The following NKAIN2 variants were observed in gnomAD, a reference collection of about 807,000 sequenced individuals.
The protein encoded by NKAIN2 is sodium/potassium transporting ATPase interacting 2, also known as sodium/potassium-transporting ATPase subunit beta-1-interacting protein 2.
Under a neutral mutation model 32.6 loss-of-function variants are expected in NKAIN2, and 14 were observed. The ratio of observed to expected loss-of-function variants is 0.43; its 90% confidence interval spans 0.28 to 0.67. The LOEUF (loss-of-function observed/expected upper bound fraction) is 0.67, where lower values mean the gene tolerates loss of function less well. Ranked by LOEUF, NKAIN2 falls within the 30% of genes least tolerant of loss-of-function variation. The pLI is 0.17. For synonymous variants in NKAIN2, 80 were observed against 87.2 expected (o/e 0.92, Z 0.46); for missense variants, 198 against 258.3 (o/e 0.77, Z 1.60).
intron 1 of NKAIN2, among the ~76,000 whole-genome samples, chr6:124,007,963 A>T (rs768573967): frequency 6.6e-6 from 1 of 152,146 alleles, no homozygotes. Flanking sequence ...GGGATAACAG[A>T]TCAAAAGTGA....
intron 2 of NKAIN2, among the ~76,000 whole-genome samples, chr6:124,336,448 C>T (rs966856496): frequency 6.6e-6 from 1 of 152,054 alleles, no homozygotes; most frequent in Admixed American, 6.6e-5. Context: ...TTTCTCCTGC[C>T]TAGTGCCTTT....
intron 3 of NKAIN2, among the ~76,000 whole-genome samples, chr6:124,433,722 A>T (rs540354175): frequency 2.2e-4 from 34 of 152,260 alleles, no homozygotes; most frequent in Middle Eastern, 3.4e-3. Flanking sequence ...AACCAGGCTC[A>T]TATAGACAAG....
chr6:124,259,745 T>C (rs764022354), intron 1 of NKAIN2, among the ~76,000 whole-genome samples: 1 of 152,166 alleles, frequency 6.6e-6, no homozygotes, highest in Non-Finnish European at 1.5e-5. Context: ...TGAAGGCTAC[T>C]GATGCCTAGA....
At chr6:124,076,444 C>CTATGGTCTA (rs1244993329) in intron 1 of NKAIN2, among the ~76,000 whole-genome samples, 1 of 152,108 alleles carries the variant, frequency 6.6e-6, no homozygotes, top group African/African-American at 2.4e-5. Context: ...TAGATAATTA[C>CTATGGTCTA]TGGATTGAAG....
chr6:124,794,006 G>A (rs748545024), intron 5 of NKAIN2, among the ~76,000 whole-genome samples: 3 of 152,164 alleles, frequency 2.0e-5, no homozygotes, highest in Non-Finnish European at 4.4e-5. Flanking sequence ...AGAAATGGAT[G>A]AGGCAGGGTA....
At chr6:124,138,610 G>C (rs1786958086) in intron 1 of NKAIN2, among the ~76,000 whole-genome samples, 1 of 143,242 alleles carries the variant, frequency 7.0e-6, no homozygotes, top group Non-Finnish European at 1.5e-5. Flanking sequence ...ACCAATGAGT[G>C]GATAAAGAAT....
chr6:124,665,565 A>T (rs1180112763), intron 4 of NKAIN2, among the ~76,000 whole-genome samples: 1 of 152,146 alleles, frequency 6.6e-6, no homozygotes, highest in African/African-American at 2.4e-5. Flanking sequence ...CCATGATATG[A>T]CCTACTCATG....
At chr6:124,518,922 C>A (rs1235726370) in intron 3 of NKAIN2, among the ~76,000 whole-genome samples, 3 of 152,134 alleles carry the variant, frequency 2.0e-5, no homozygotes, top group Non-Finnish European at 4.4e-5. Context: ...ATGTGAGGTA[C>A]TTTATAGAGC....
In NKAIN2 at chr6:124,364,092, G is replaced by A. The variant is rs978463943; in HGVS notation, c.273+8745G>A. ...GTAAAGAATCAAATGGAAATTCTAAGACTTAAAAATATAATATCTAGAAGT... is the reference window on the plus strand; with the variant it reads ...GTAAAGAATCAAATGGAAATTCTAAAACTTAAAAATATAATATCTAGAAGT... On this transcript the variant is annotated intron_variant, in intron 3 of 6. Transcript: ENST00000368417. Among the ~76,000 whole-genome samples the A allele has an allele frequency of 3.9e-5, 6 of 151,926 alleles. No homozygotes were observed. The South Asian group carries it at 1.2e-3, about 32-fold the overall frequency.
intron 1 of NKAIN2, among the ~76,000 whole-genome samples, chr6:124,086,491 A>C (rs78224463): frequency 0.035 from 5,318 of 152,018 alleles, 94 homozygotes; most frequent in African/African-American, 0.049. Context: ...GTTTTGCCTC[A>C]TGTGAATATT....
intron 3 of NKAIN2, among the ~76,000 whole-genome samples, chr6:124,382,515 A>T (rs1374218304): frequency 2.0e-5 from 3 of 152,128 alleles, no homozygotes; most frequent in African/African-American, 7.2e-5. Context: ...CAATCTGCTC[A>T]AGCTACACAA....
At chr6:124,071,767 A>G (rs1783480564) in intron 1 of NKAIN2, among the ~76,000 whole-genome samples, 1 of 152,178 alleles carries the variant, frequency 6.6e-6, no homozygotes, top group African/African-American at 2.4e-5. Context: ...GATCAAAACC[A>G]CAATGAAATA....
At chr6:124,189,360 G>A (rs891574044) in intron 1 of NKAIN2, among the ~76,000 whole-genome samples, 4 of 152,040 alleles carry the variant, frequency 2.6e-5, no homozygotes, top group African/African-American at 9.7e-5. Flanking sequence ...TAGATCTTTA[G>A]TATTACAAAA....
intron 3 of NKAIN2, among the ~76,000 whole-genome samples, chr6:124,518,119 A>G (rs1279481913): frequency 1.3e-5 from 2 of 152,074 alleles, no homozygotes; most frequent in Non-Finnish European, 2.9e-5. Context: ...GATTTTTTAA[A>G]AAAAGGAAGA....
chr6:124,078,447 G>A (rs1783798711), intron 1 of NKAIN2, among the ~76,000 whole-genome samples: 1 of 152,096 alleles, frequency 6.6e-6, no homozygotes, highest in African/African-American at 2.4e-5. Context: ...CTTTGAGATG[G>A]ATGCTATTAT....
At chr6:124,012,792 A>T (rs1239071864) in intron 1 of NKAIN2, among the ~76,000 whole-genome samples, 1 of 152,156 alleles carries the variant, frequency 6.6e-6, no homozygotes, top group Non-Finnish European at 1.5e-5. Context: ...GCTACTGTAA[A>T]TATTTATGTG....
intron 4 of NKAIN2, among the ~76,000 whole-genome samples, chr6:124,677,828 T>C (rs559291613): frequency 6.6e-6 from 1 of 152,174 alleles, no homozygotes. Context: ...CATATGCTTT[T>C]GTGTTGTTAT....
chr6:124,271,611 C>T lies in NKAIN2; in HGVS notation c.55-11394C>T, dbSNP rs113988344. 8.8e-3 allele frequency among the ~76,000 whole-genome samples: 1,346 copies of T among 152,230 alleles called. 20 individuals are homozygous for T. The highest frequency in any genetic ancestry group is 0.03 in the African/African-American group (1,254 of 41,538). Reference sequence around the variant, plus strand: ...AAAGTGGATTGGTACCAGCAGAATACGAAGCTGCTATAAAGATAACCTGAA... The same window carrying T: ...AAAGTGGATTGGTACCAGCAGAATATGAAGCTGCTATAAAGATAACCTGAA... On this transcript the variant is annotated intron_variant, in intron 1 of 6. Coordinates refer to ENST00000368417, the MANE Select transcript of NKAIN2 (RefSeq NM_001040214.3).
chr6:124,197,709 C>T (rs576140763), intron 1 of NKAIN2, among the ~76,000 whole-genome samples: 1 of 152,174 alleles, frequency 6.6e-6, no homozygotes, highest in South Asian at 2.1e-4. Flanking sequence ...TTTTAAAAAT[C>T]TTACCATTGC....
Sources: gnomAD v4.1 joint callset for allele counts (sites outside exome capture counted in the v4.1 genomes callset) on GRCh38, gnomAD v4.1.1 for gene constraint, MANE v1.5 for transcripts, NCBI Gene and HGNC (gene_info 2026-07-23, HGNC 2026-07-21) for gene names.